The following HERC1 variants were observed in gnomAD, a reference collection of about 807,000 sequenced individuals.
HERC1 encodes HECT and RLD domain containing E3 ubiquitin protein ligase family member 1.
A neutral mutation model predicts 554.3 loss-of-function variants in HERC1; 160 were observed. The ratio of observed to expected loss-of-function variants is 0.29; its 90% CI spans 0.25 to 0.33. The LOEUF (loss-of-function observed/expected upper bound fraction) is 0.33. HERC1 is among the 10% of genes least tolerant of loss of function. The pLI, the probability that HERC1 is intolerant of heterozygous loss-of-function variation, is 1.00. For missense variants in HERC1, 4,919 were observed against 5,918.5 expected (o/e 0.83, Z 5.54); for synonymous variants, 2,175 against 2,131.7 (o/e 1.02, Z -0.56).
chr15:63,632,540 A>G (rs2068607865), intron 68 of HERC1, 169 bp downstream of exon 68: 2 of 687,070 alleles, frequency 2.9e-6, no homozygotes, highest in Non-Finnish European at 5.3e-6. Flanking sequence ...TCTTTATAAT[A>G]AAGCACATGA....
chr15:63,649,660 C>A, intron 54 of HERC1, 65 bp downstream of exon 54: 1 of 1,342,752 alleles, frequency 7.4e-7, no homozygotes. Context: ...AAGCAAATGC[C>A]AAAAAGCTAA....
chr15:63,789,272 A>G (rs2144024381), intron 1 of HERC1, among the ~76,000 whole-genome samples: 1 of 149,118 alleles, frequency 6.7e-6, no homozygotes, highest in African/African-American at 2.5e-5. Context: ...TTGTATTTTT[A>G]GTAGAGACGG....
At chr15:63,811,623 C>G (rs561804751) in intron 1 of HERC1, among the ~76,000 whole-genome samples, 2 of 151,948 alleles carry the variant, frequency 1.3e-5, no homozygotes, top group South Asian at 4.2e-4. Context: ...TCCTGGCTAA[C>G]ATGGTGAAAC....
chr15:63,632,949 C>A, intron 67 of HERC1, 138 bp from the exon 68 acceptor site: 1 of 632,900 alleles, frequency 1.6e-6, no homozygotes, highest in Non-Finnish European at 2.7e-6. Context: ...AAATCCAAAC[C>A]TGAAATGTTA....
chr15:63,639,167 T>A (rs2068920758), intron 61 of HERC1, among the ~76,000 whole-genome samples: 1 of 152,228 alleles, frequency 6.6e-6, no homozygotes, highest in Non-Finnish European at 1.5e-5. Context: ...CAAATGGGCT[T>A]AGAAGGACAT....
At chr15:63,723,727 G>A (rs115012264) in intron 18 of HERC1, among the ~76,000 whole-genome samples, 139 of 152,306 alleles carry the variant, frequency 9.1e-4, no homozygotes, top group African/African-American at 3.3e-3. Flanking sequence ...AAAATGGAAT[G>A]ATATCCTCTT....
rs893805798 is a variant in HERC1, at chr15:63,734,622, C to T, written c.2646+102G>A. ...GCACAACACATTAACCCATCAAGTA[C>T]TTATGCTCCAAGAACACATGGCAAT... On this transcript the variant is annotated intron_variant, in intron 13 of 77. Transcript: ENST00000443617. The surrounding 1 kb of genome is among the most constrained non-coding windows in gnomAD (Gnocchi z 4.6). 2.0e-6 allele frequency: 2 copies of T among 984,302 alleles called. No individual in the cohort carries two copies. Among genetic ancestry groups the T allele is most frequent in the Non-Finnish European group, 2.9e-6 (2 of 684,130 alleles). The allele number at this position is 984,302 out of a possible 1,614,324, so 61.0% of individuals were successfully genotyped here.
At chr15:63,747,152 A>G (rs879572966) in intron 11 of HERC1, 69 bp from the exon 12 acceptor site, 2 of 1,437,932 alleles carry the variant, frequency 1.4e-6, no homozygotes, top group Non-Finnish European at 1.9e-6. Flanking sequence ...TTTGGGTAAC[A>G]TTTTTATATC....
intron 36 of HERC1, among the ~76,000 whole-genome samples, chr15:63,679,272 T>C (rs890051243): frequency 3.9e-5 from 6 of 152,212 alleles, no homozygotes; most frequent in Non-Finnish European, 8.8e-5. Context: ...CAGTTCAGTT[T>C]TGGTTGTCCT....
rs181702043 is a variant in HERC1, at chr15:63,656,053, C to T, written c.9870+35G>A. On this transcript the variant is annotated intron_variant, in intron 49 of 77. Transcript: ENST00000443617. The stretch of plus-strand genomic sequence containing the variant: ...GGCTCAAGAATCAGTCAGAAATAAT[C>T]AATGTAACGGGGAAAAGTACTGAAA... The T allele has an allele frequency of 1.1e-5, 17 of 1,604,472 alleles. No homozygotes were observed. In the East Asian group the frequency reaches 3.8e-4, roughly 36 times the overall value.
At chr15:63,802,637 C>T (rs2077029113) in intron 1 of HERC1, among the ~76,000 whole-genome samples, 1 of 152,076 alleles carries the variant, frequency 6.6e-6, no homozygotes, top group South Asian at 2.1e-4. Context: ...CAAATCCAAA[C>T]TGACATACAT....
At chr15:63,666,501 CTAAAT>C (rs1566989726) in intron 40 of HERC1, 29 bp from the exon 41 acceptor site, 1 of 1,344,682 alleles carries the variant, frequency 7.4e-7, no homozygotes, top group East Asian at 2.3e-5. Context: ...AAATAAGAAC[CTAAAT>C]ATCACTAGAT....
chr15:63,634,624 T>C (rs2068701531), intron 66 of HERC1, 109 bp downstream of exon 66: 3 of 748,744 alleles, frequency 4.0e-6, no homozygotes, highest in East Asian at 5.7e-5. Flanking sequence ...AAAATGTACA[T>C]GAGGTTAGGT....
chr15:63,773,684 C>T (rs2076021128), intron 2 of HERC1, among the ~76,000 whole-genome samples: 1 of 151,648 alleles, frequency 6.6e-6, no homozygotes, highest in East Asian at 2.0e-4. Context: ...GCTAGGATTA[C>T]AGGTGCGCAC....
chr15:63,638,396 T>C lies in HERC1; in HGVS notation c.12093+15A>G, dbSNP rs1221866757. 3.1e-6 allele frequency: 5 copies of C among 1,605,104 alleles called. No individual in the cohort carries two copies. In the African/African-American group the frequency reaches 4.0e-5, roughly 13 times the overall value. On this transcript the variant is annotated intron_variant, in intron 63 of 77. Coordinates refer to ENST00000443617, the MANE Select transcript of HERC1 (RefSeq NM_003922.4). The stretch of plus-strand genomic sequence containing the variant: ...GTTCCCATGTTTCTTTTCTATTTTT[T>C]ATCCTGTTAGTTACCTGTTGGGCCT...
Position 63,677,766 on chromosome 15 carries a change from A to G in HERC1, c.7070+79T>C. 1 of 1,525,912 alleles carries G rather than the reference A, an allele frequency of 6.6e-7. No homozygotes were observed. The highest frequency in any genetic ancestry group is 2.1e-5 in the Admixed American group (1 of 48,132). 94.5% of individuals were successfully genotyped at this position (1,525,912 alleles called of 1,614,324 possible). The stretch of plus-strand genomic sequence containing the variant: ...ACTGGCAGCTCACCTAAAATACATA[A>G]TTACTCACTGTCGACAGGCAATGGC... On this transcript the variant is annotated intron_variant, in intron 37 of 77. Coordinates refer to ENST00000443617, the MANE Select transcript of HERC1 (RefSeq NM_003922.4). This position sits in a 1 kb window ranked among gnomAD's most constrained non-coding sequence, Gnocchi z 4.4.
At chr15:63,623,209 C>T (rs969554503) in intron 73 of HERC1, among the ~76,000 whole-genome samples, 3 of 152,170 alleles carry the variant, frequency 2.0e-5, no homozygotes, top group East Asian at 1.9e-4. Flanking sequence ...ATTTTAGTCA[C>T]AGGGTTTACT....
chr15:63,824,157 G>A (rs1010114245), intron 1 of HERC1, among the ~76,000 whole-genome samples: 5 of 152,114 alleles, frequency 3.3e-5, no homozygotes, highest in African/African-American at 4.8e-5. Flanking sequence ...ATGAGGGAGT[G>A]GGGAAAAGGG....
intron 71 of HERC1, among the ~76,000 whole-genome samples, chr15:63,625,509 C>A (rs781047559): frequency 6.6e-6 from 1 of 151,904 alleles, no homozygotes; most frequent in South Asian, 2.1e-4. Context: ...GCCTGACTAA[C>A]ATGGTGAAAC....
Sources: gnomAD v4.1 joint callset for allele counts (sites outside exome capture counted in the v4.1 genomes callset) on GRCh38, gnomAD v4.1.1 for gene constraint, Gnocchi (gnomAD v3.1) non-coding constraint, MANE v1.5 for transcripts, NCBI Gene and HGNC (gene_info 2026-07-23, HGNC 2026-07-21) for gene names.